Variants in RIPOR2 observed in about 807,000 individuals in gnomAD.
The protein encoded by RIPOR2 is rho family-interacting cell polarization regulator 2.
A neutral mutation model predicts 114.5 loss-of-function variants in RIPOR2; 39 were observed. The ratio of observed to expected loss-of-function variants is 0.34; its 90% CI spans 0.26 to 0.44. The LOEUF (loss-of-function observed/expected upper bound fraction) is 0.44, where lower values mean the gene tolerates loss of function less well. RIPOR2 is among the 20% of genes least tolerant of loss of function. The probability of loss-of-function intolerance (pLI) is 1.00; values close to 1 mark genes in which losing one functional copy is unlikely to be tolerated. For synonymous variants in RIPOR2, 445 were observed against 484.4 expected, an observed-to-expected ratio of 0.92 and a Z score of 1.07; for missense variants, 1,007 against 1,255.1, an observed-to-expected ratio of 0.80 and a Z score of 2.99.
At chr6:24,950,302 G>T (rs983497652) in intron 1 of RIPOR2, among the ~76,000 whole-genome samples, 5 of 152,196 alleles carry the variant, frequency 3.3e-5, no homozygotes, top group African/African-American at 9.7e-5. Flanking sequence ...AAGGCAGAAA[G>T]TTGGCAATGC....
At chr6:24,940,195 T>A (rs535900380), upstream of RIPOR2, among the ~76,000 whole-genome samples, 6 of 152,248 alleles carry the variant, frequency 3.9e-5, no homozygotes, top group South Asian at 8.3e-4. Flanking sequence ...ATTTAAAATA[T>A]TTCTGCATAG....
chr6:24,884,549 C>G (rs1413518416), intron 1 of RIPOR2, among the ~76,000 whole-genome samples: 1 of 152,040 alleles, frequency 6.6e-6, no homozygotes, highest in African/African-American at 2.4e-5. Context: ...CTGACGTGAA[C>G]GGATGAAAAA....
At chr6:24,855,846 C>A (rs1763415075) in intron 8 of RIPOR2, among the ~76,000 whole-genome samples, 1 of 152,074 alleles carries the variant, frequency 6.6e-6, no homozygotes, top group Non-Finnish European at 1.5e-5. Flanking sequence ...CCAACCTGGG[C>A]AACACAGTGA....
Position 25,005,738 on chromosome 6 carries a change from T to TATATATACAC in RIPOR2, c.76+36112_76+36113insGTGTATATAT, listed in dbSNP as rs34572978. Among the ~76,000 whole-genome samples the TATATATACAC allele has an allele frequency of 3.1e-3, 221 of 70,684 alleles. 30 individuals are homozygous for TATATATACAC. The highest frequency in any genetic ancestry group is 5.7e-3 in the Non-Finnish European group (171 of 30,018). 46.4% of individuals were successfully genotyped at this position (70,684 alleles called of 152,430 possible). On this transcript the variant is annotated intron_variant, in intron 1 of 13. Transcript: ENST00000510784. ...ATATATATATATATATATATATATATATACATTTACCGATCAAAAGATATG... is the reference window on the plus strand; with the variant it reads ...ATATATATATATATATATATATATATATATATACACATACATTTACCGATCAAAAGATATG...
intron 1 of RIPOR2, among the ~76,000 whole-genome samples, chr6:25,029,291 A>G (rs1467212973): frequency 6.6e-6 from 1 of 151,674 alleles, no homozygotes; most frequent in Non-Finnish European, 1.5e-5. Context: ...CATCCCAGCT[A>G]CTTGGGAGGC....
intron 1 of RIPOR2, among the ~76,000 whole-genome samples, chr6:24,901,546 A>C (rs1359899435): frequency 6.6e-6 from 1 of 152,206 alleles, no homozygotes; most frequent in African/African-American, 2.4e-5. Context: ...TTTTTTTGGA[A>C]TGTCATGGGA....
At chr6:25,030,709 T>C (rs1312518603) in intron 1 of RIPOR2, among the ~76,000 whole-genome samples, 2 of 152,132 alleles carry the variant, frequency 1.3e-5, no homozygotes, top group Non-Finnish European at 2.9e-5. Context: ...GTTTGTTTGT[T>C]TTCTTTGAGA....
intron 1 of RIPOR2, among the ~76,000 whole-genome samples, chr6:24,995,658 T>C (rs1775013009): frequency 6.6e-6 from 1 of 152,214 alleles, no homozygotes; most frequent in African/African-American, 2.4e-5. Context: ...TCTTATATGT[T>C]CTCAAGTCAT....
At chr6:25,014,087 G>A (rs867333582) in intron 1 of RIPOR2, among the ~76,000 whole-genome samples, 2 of 152,290 alleles carry the variant, frequency 1.3e-5, no homozygotes, top group South Asian at 2.1e-4. Context: ...CATCAGCAAG[G>A]TTGGGGCTTA....
chr6:24,824,009 G>A (rs1434452259), intron 19 of RIPOR2, among the ~76,000 whole-genome samples: 2 of 152,092 alleles, frequency 1.3e-5, no homozygotes, highest in South Asian at 2.1e-4. Flanking sequence ...CACCCACCTC[G>A]GCCTCCCAAA....
In RIPOR2 at chr6:24,806,401, T is replaced by G; in HGVS notation, c.3116A>C (p.His1039Pro). Residue 1039 changes from histidine to proline, a missense_variant, in exon 22 of 22, where the codon CAT becomes CCT. Coordinates refer to ENST00000643898, the MANE Select transcript of RIPOR2 (RefSeq NM_001286445.3). ...PRDCVKVGGR[H>P]GTEVATAF is the part of the protein sequence containing the mutation. ...AAAGGCTGTGGCAACTTCAGTTCCA[T>G]GACGACCTCCGACTTTAACACAGTC... 1.3e-6 allele frequency: 2 copies of G among 1,551,554 alleles called. No homozygotes were observed. Among genetic ancestry groups the G allele is most frequent in the Non-Finnish European group, 1.7e-6 (2 of 1,146,884 alleles).
chr6:24,865,838 TA>T (rs1764550230), intron 6 of RIPOR2, among the ~76,000 whole-genome samples: 1 of 151,268 alleles, frequency 6.6e-6, no homozygotes, highest in Admixed American at 6.6e-5. Flanking sequence ...TATTAAATAA[TA>T]AAAATAATTA....
At chr6:24,892,366 G>T (rs1324014190) in intron 1 of RIPOR2, among the ~76,000 whole-genome samples, 1 of 152,108 alleles carries the variant, frequency 6.6e-6, no homozygotes, top group African/African-American at 2.4e-5. Flanking sequence ...GAACTCCTGG[G>T]CTCAAGTGAT....
At chr6:25,027,169 C>T (rs1776670034) in intron 1 of RIPOR2, among the ~76,000 whole-genome samples, 1 of 152,226 alleles carries the variant, frequency 6.6e-6, no homozygotes, top group African/African-American at 2.4e-5. Context: ...TTAGGTGATA[C>T]TGCATAGCTC....
intron 1 of RIPOR2, among the ~76,000 whole-genome samples, chr6:24,975,923 C>T (rs888093318): frequency 1.3e-5 from 2 of 152,004 alleles, no homozygotes; most frequent in East Asian, 1.9e-4. Context: ...TGTATAACAA[C>T]GTGAATATAC....
At chr6:24,928,818 T>C (rs1771160908) in intron 1 of RIPOR2, among the ~76,000 whole-genome samples, 1 of 152,246 alleles carries the variant, frequency 6.6e-6, no homozygotes, top group South Asian at 2.1e-4. Flanking sequence ...CTTCTCTGTT[T>C]AGAGGTTCTC....
chr6:24,838,988 T>A, intron 14 of RIPOR2, 103 bp downstream of exon 14: 1 of 982,790 alleles, frequency 1.0e-6, no homozygotes, highest in Admixed American at 2.8e-5. Flanking sequence ...TGGAGAGTTT[T>A]ATCTTCCTGG....
intron 1 of RIPOR2, among the ~76,000 whole-genome samples, chr6:25,004,471 G>C (rs752330580): frequency 1.3e-5 from 2 of 152,136 alleles, no homozygotes; most frequent in Non-Finnish European, 2.9e-5. Context: ...TTCACCCCCT[G>C]TACTGGATTT....
chr6:24,920,147 A>C (rs894036376), intron 1 of RIPOR2, among the ~76,000 whole-genome samples: 1 of 152,246 alleles, frequency 6.6e-6, no homozygotes, highest in African/African-American at 2.4e-5. Context: ...GGAGACAGAT[A>C]AATCTCCTTT....
Sources: allele counts gnomAD v4.1 joint callset (sites outside exome capture counted in the v4.1 genomes callset), GRCh38; gene constraint gnomAD v4.1.1; transcripts MANE v1.5; gene names NCBI Gene and HGNC (gene_info 2026-07-23, HGNC 2026-07-21).